The following JAZF1 variants were observed in gnomAD, a reference collection of about 807,000 sequenced individuals.
JAZF1 encodes juxtaposed with another zinc finger protein 1.
A neutral mutation model predicts 26.4 loss-of-function variants in JAZF1; 8 were observed. The ratio of observed to expected loss-of-function variants is 0.30; its 90% CI spans 0.18 to 0.55. JAZF1 has a LOEUF of 0.55. Among genes scored for constraint, JAZF1 ranks in the 20% least tolerant of loss-of-function variants. JAZF1 has a pLI of 0.94. For synonymous variants in JAZF1, 126 were observed against 122.3 expected, an observed-to-expected ratio of 1.03 and a Z score of -0.20; for missense variants, 199 against 322.0, an observed-to-expected ratio of 0.62 and a Z score of 2.92.
At chr7:27,913,484 G>C in intron 2 of JAZF1, 1 of 380,690 alleles carries the variant, frequency 2.6e-6, no homozygotes, top group Non-Finnish European at 5.4e-6. Flanking sequence ...GGAACAAAGA[G>C]ACCCCACGTG....
At chr7:28,067,638 G>GA (rs1290219441) in intron 1 of JAZF1, among the ~76,000 whole-genome samples, 1 of 152,056 alleles carries the variant, frequency 6.6e-6, no homozygotes, top group South Asian at 2.1e-4. Flanking sequence ...CTAATAAAAT[G>GA]AAAAAATGAC....
intron 1 of JAZF1, chr7:28,020,567 GGCATGGACAT>G (rs1186590933): frequency 2.1e-6 from 1 of 471,156 alleles, no homozygotes; most frequent in Non-Finnish European, 4.4e-6. Flanking sequence ...TCCTACGGCA[GGCATGGACAT>G]GCATATTCGT....
chr7:28,035,189 C>T (rs983297571), intron 1 of JAZF1, among the ~76,000 whole-genome samples: 5 of 150,954 alleles, frequency 3.3e-5, no homozygotes, highest in South Asian at 2.1e-4. Context: ...TGGTGGTGGG[C>T]GCCTGTAATC....
intron 3 of JAZF1, among the ~76,000 whole-genome samples, chr7:27,878,918 CATT>C (rs1783724194): frequency 6.6e-6 from 1 of 152,172 alleles, no homozygotes; most frequent in South Asian, 2.1e-4. Flanking sequence ...TTAAGACATA[CATT>C]ATTATTTTTG....
intron 4 of JAZF1, among the ~76,000 whole-genome samples, chr7:27,833,640 A>T (rs1414676422): frequency 2.0e-5 from 3 of 152,258 alleles, no homozygotes; most frequent in African/African-American, 7.2e-5. Flanking sequence ...TAAGTATTAC[A>T]TTCCAAACAT....
At chr7:28,110,485 A>C (rs1299989073) in intron 1 of JAZF1, among the ~76,000 whole-genome samples, 1 of 62,824 alleles carries the variant, frequency 1.6e-5, no homozygotes, top group Non-Finnish European at 3.5e-5. Context: ...AAGGAAAGGA[A>C]AGGAAAGGAA....
intron 3 of JAZF1, among the ~76,000 whole-genome samples, chr7:27,891,311 T>C (rs528391021): frequency 6.6e-6 from 1 of 152,316 alleles, no homozygotes; most frequent in African/African-American, 2.4e-5. Flanking sequence ...GTTCTATAGC[T>C]GCTTGCACAT....
intron 1 of JAZF1, among the ~76,000 whole-genome samples, chr7:28,167,084 T>G (rs1783380805): frequency 6.6e-6 from 1 of 152,166 alleles, no homozygotes; most frequent in Non-Finnish European, 1.5e-5. Flanking sequence ...TCCAGGCCCT[T>G]CATAGTCATG....
chr7:27,952,220 C>A (rs1305450343), intron 2 of JAZF1, among the ~76,000 whole-genome samples: 1 of 152,172 alleles, frequency 6.6e-6, no homozygotes, highest in Admixed American at 6.5e-5. Flanking sequence ...CTACTTTGCA[C>A]AAGGTAGAGG....
rs918366438 is a variant in JAZF1, at chr7:27,831,897, C to G, written c.*903G>C. ...ACTACAAAGTGCTTTAAAACTTCAT[C>G]TGAAGATGAAGATATAACTAAACTT... On this transcript the variant is annotated 3_prime_UTR_variant, in exon 5 of 5. Transcript: ENST00000283928. 4.6e-6 allele frequency: 1 copy of G among 218,424 alleles called. No homozygotes were observed. The highest frequency in any genetic ancestry group is 2.2e-5 in the African/African-American group (1 of 44,510). 13.5% of individuals were successfully genotyped at this position (218,424 alleles called of 1,614,324 possible).
Position 27,837,056 on chromosome 7 carries a change from G to A in JAZF1, c.555+3642C>T, listed in dbSNP as rs944694971. ...TCTCAGTGTTTGAAAATGGGACACT[G>A]TATCTGGATCTGTCTCTGTTGCTGA... On this transcript the variant is annotated intron_variant, in intron 4 of 4. Transcript: ENST00000283928. Among the ~76,000 whole-genome samples, 30 of 152,062 alleles carry A rather than the reference G, an allele frequency of 2.0e-4. 1 individual carries two copies. The highest frequency in any genetic ancestry group is 1.8e-3 in the Admixed American group (28 of 15,262).
chr7:27,906,932 T>C (rs1784268206), intron 2 of JAZF1, among the ~76,000 whole-genome samples: 2 of 152,242 alleles, frequency 1.3e-5, no homozygotes, highest in Non-Finnish European at 2.9e-5. Flanking sequence ...TTTTCAGTTT[T>C]CTTGTTTTGC....
intron 3 of JAZF1, among the ~76,000 whole-genome samples, chr7:27,892,183 AATT>A (rs1476384308): frequency 6.6e-6 from 1 of 152,210 alleles, no homozygotes; most frequent in Non-Finnish European, 1.5e-5. Context: ...ACACAATCAA[AATT>A]GTACGTGGTA....
At chr7:28,073,447 A>G (rs536812785) in intron 1 of JAZF1, among the ~76,000 whole-genome samples, 66 of 152,272 alleles carry the variant, frequency 4.3e-4, no homozygotes, top group East Asian at 2.7e-3. Context: ...CCAGGACCAC[A>G]TGACTCCCAT....
At chr7:28,091,340 C>T (rs932294557) in intron 1 of JAZF1, among the ~76,000 whole-genome samples, 6 of 151,754 alleles carry the variant, frequency 4.0e-5, no homozygotes, top group Admixed American at 1.3e-4. Context: ...TTATTTTTCA[C>T]GACTATTTAA....
intron 2 of JAZF1, among the ~76,000 whole-genome samples, chr7:27,912,908 T>C (rs562645031): frequency 2.4e-4 from 36 of 152,262 alleles, no homozygotes; most frequent in South Asian, 1.7e-3. Flanking sequence ...CTCGTGATGG[T>C]GGCAGATACT....
intron 1 of JAZF1, among the ~76,000 whole-genome samples, chr7:28,062,483 G>A (rs961611205): frequency 4.6e-5 from 7 of 151,884 alleles, no homozygotes; most frequent in Middle Eastern, 3.2e-3. Flanking sequence ...CTGTCCTGAG[G>A]CTGAGTAACC....
intron 1 of JAZF1, among the ~76,000 whole-genome samples, chr7:28,150,271 G>A (rs1028126770): frequency 6.6e-5 from 10 of 152,328 alleles, no homozygotes; most frequent in Admixed American, 3.3e-4. Context: ...GAGCAAAGAT[G>A]TGCTGGGAGG....
chr7:27,869,962 G>A (rs1205872567), intron 3 of JAZF1, among the ~76,000 whole-genome samples: 2 of 152,114 alleles, frequency 1.3e-5, no homozygotes, highest in Non-Finnish European at 2.9e-5. Flanking sequence ...AGGCTAGAGT[G>A]CAGTGGCACG....
Sources: allele counts gnomAD v4.1 joint callset (sites outside exome capture counted in the v4.1 genomes callset), GRCh38; gene constraint gnomAD v4.1.1; transcripts MANE v1.5; gene names NCBI Gene and HGNC (gene_info 2026-07-23, HGNC 2026-07-21).